ENDOD1: variants seen among roughly 807,000 people sequenced by gnomAD.
ENDOD1 encodes endonuclease domain containing 1.
Under a neutral mutation model 6.5 loss-of-function variants are expected in ENDOD1, and 9 were observed. The ratio of observed to expected loss-of-function variants is 1.39; its 90% confidence interval spans 0.84 to 2.43. The LOEUF (loss-of-function observed/expected upper bound fraction) is 2.43, where lower values mean the gene tolerates loss of function less well. ENDOD1 is among the 30% of genes most tolerant of loss of function. ENDOD1 has a pLI of 0.00. For missense variants in ENDOD1, 648 were observed against 635.5 expected (o/e 1.02, Z -0.21); for synonymous variants, 255 against 255.2 (o/e 1.00, Z 0.01).
At chr11:95,101,864 TTAGAAA>T (rs1435880283) in intron 1 of ENDOD1, among the ~76,000 whole-genome samples, 4 of 152,368 alleles carry the variant, frequency 2.6e-5, no homozygotes, top group South Asian at 2.1e-4. Context: ...GCATTTTAAC[TTAGAAA>T]TAGAAGACCT....
At chr11:95,117,720 ATT>A (rs1859224706) in intron 1 of ENDOD1, among the ~76,000 whole-genome samples, 1 of 151,962 alleles carries the variant, frequency 6.6e-6, no homozygotes, top group East Asian at 1.9e-4. Flanking sequence ...CATTCTGCCC[ATT>A]TGTGTCTTTT....
At chr11:95,090,559 T>C (rs1858920645) in intron 1 of ENDOD1, among the ~76,000 whole-genome samples, 1 of 152,230 alleles carries the variant, frequency 6.6e-6, no homozygotes, top group African/African-American at 2.4e-5. Context: ...AAGAGCTTGA[T>C]ACAGAGACCC....
At chr11:95,118,757 T>A (rs1264171955) in intron 1 of ENDOD1, among the ~76,000 whole-genome samples, 1 of 152,218 alleles carries the variant, frequency 6.6e-6, no homozygotes, top group Non-Finnish European at 1.5e-5. Flanking sequence ...TACTTCTATC[T>A]CTTTCTCTAC....
At chr11:95,104,447 TA>T (rs10716026) in intron 1 of ENDOD1, among the ~76,000 whole-genome samples, 115,783 of 131,144 alleles carry the variant, frequency 0.88, 51,220 homozygotes, top group African/African-American at 0.96. Context: ...GACCCTGTCT[TA>T]AAAAAAAAAA....
chr11:95,097,402 G>A (rs1251237308), intron 1 of ENDOD1, among the ~76,000 whole-genome samples: 2 of 152,198 alleles, frequency 1.3e-5, no homozygotes, highest in Admixed American at 6.5e-5. Flanking sequence ...GGAGGCATGA[G>A]TGTGTTGAGG....
At chr11:95,116,090 A>G (rs1157602488) in intron 1 of ENDOD1, among the ~76,000 whole-genome samples, 1 of 152,182 alleles carries the variant, frequency 6.6e-6, no homozygotes, top group African/African-American at 2.4e-5. Context: ...AGTGCCTGGT[A>G]GAATTCAGCA....
chr11:95,101,604 C>T (rs560311479), intron 1 of ENDOD1, among the ~76,000 whole-genome samples: 173 of 152,260 alleles, frequency 1.1e-3, no homozygotes, highest in Non-Finnish European at 2.1e-3. Context: ...AAAGCTCCCA[C>T]TTCTGAAAGA....
intron 1 of ENDOD1, among the ~76,000 whole-genome samples, chr11:95,125,623 G>A (rs1396868818): frequency 4.7e-5 from 6 of 127,158 alleles, no homozygotes; most frequent in South Asian, 2.8e-4. Flanking sequence ...TCCCCGGTGC[G>A]TGATGTTCCC....
At chr11:95,102,660 A>C (rs1591011751) in intron 1 of ENDOD1, among the ~76,000 whole-genome samples, 1 of 150,476 alleles carries the variant, frequency 6.6e-6, no homozygotes, top group African/African-American at 2.4e-5. Flanking sequence ...TGACAGAGCA[A>C]GACTCTGTCT....
Position 95,108,917 on chromosome 11 carries a change from C to T in ENDOD1, c.300+18690C>T, listed in dbSNP as rs116866943. Among the ~76,000 whole-genome samples the T allele has an allele frequency of 6.8e-3, 1,030 of 152,266 alleles. 5 individuals carry two copies. Among genetic ancestry groups the T allele is most frequent in the Non-Finnish European group, 0.011 (779 of 68,022 alleles). On this transcript the variant is annotated intron_variant, in intron 1 of 1. Coordinates refer to ENST00000278505, the MANE Select transcript of ENDOD1 (RefSeq NM_015036.3). ...CTCTGATAAGATTATCTGATGTTCT[C>T]ATTATCAGCTGCACCCACGATCTTT... is the stretch of plus-strand genomic sequence containing the variant.
intron 1 of ENDOD1, among the ~76,000 whole-genome samples, chr11:95,119,812 A>G (rs1425551721): frequency 1.3e-5 from 2 of 152,154 alleles, no homozygotes; most frequent in Non-Finnish European, 2.9e-5. Flanking sequence ...CAGGGACTAG[A>G]GTCAAAAGCC....
intron 1 of ENDOD1, among the ~76,000 whole-genome samples, chr11:95,093,846 T>C (rs1259992483): frequency 6.6e-6 from 1 of 152,186 alleles, no homozygotes; most frequent in Non-Finnish European, 1.5e-5. Context: ...GTCTTAGCTT[T>C]GGCCTTTGAA....
intron 1 of ENDOD1, among the ~76,000 whole-genome samples, chr11:95,118,244 T>C (rs1859229768): frequency 6.6e-6 from 1 of 152,222 alleles, no homozygotes; most frequent in Admixed American, 6.5e-5. Context: ...GCAGTTACTA[T>C]TACCAGTGAG....
intron 1 of ENDOD1, among the ~76,000 whole-genome samples, chr11:95,117,742 GTTTAGTCCA>G (rs1198396658): frequency 6.6e-6 from 1 of 152,076 alleles, no homozygotes; most frequent in Non-Finnish European, 1.5e-5. Context: ...TGATTGGAGA[GTTTAGTCCA>G]TTTACATTCA....
At chr11:95,110,010 C>T (rs1859131324) in intron 1 of ENDOD1, among the ~76,000 whole-genome samples, 1 of 152,252 alleles carries the variant, frequency 6.6e-6, no homozygotes, top group Non-Finnish European at 1.5e-5. Flanking sequence ...TACAAAAACT[C>T]AAACCTTGGC....
At chr11:95,094,550 C>A (rs141159705) in intron 1 of ENDOD1, among the ~76,000 whole-genome samples, 1 of 152,222 alleles carries the variant, frequency 6.6e-6, no homozygotes, top group African/African-American at 2.4e-5. Flanking sequence ...ACTGCAAAAA[C>A]ATTTTCCTGG....
intron 1 of ENDOD1, among the ~76,000 whole-genome samples, chr11:95,108,346 C>T (rs896344936): frequency 1.3e-5 from 2 of 152,088 alleles, no homozygotes; most frequent in Non-Finnish European, 2.9e-5. Context: ...GCTGGAAATG[C>T]GTCCTTCTTC....
At chr11:95,091,045 T>C (rs191540666) in intron 1 of ENDOD1, among the ~76,000 whole-genome samples, 1 of 152,340 alleles carries the variant, frequency 6.6e-6, no homozygotes, top group African/African-American at 2.4e-5. Flanking sequence ...CCTCTCATGG[T>C]GTTCTGTCCC....
intron 1 of ENDOD1, among the ~76,000 whole-genome samples, chr11:95,125,765 A>G (rs1022944408): frequency 2.0e-5 from 3 of 152,112 alleles, no homozygotes; most frequent in Non-Finnish European, 4.4e-5. Context: ...CCTACAAAGG[A>G]CATGAACTCA....
Sources: gnomAD v4.1 joint callset for allele counts (sites outside exome capture counted in the v4.1 genomes callset) on GRCh38, gnomAD v4.1.1 for gene constraint, MANE v1.5 for transcripts, NCBI Gene and HGNC (gene_info 2026-07-23, HGNC 2026-07-21) for gene names.